The following EXPH5 variants were observed in gnomAD, a reference collection of about 807,000 sequenced individuals.
The protein encoded by EXPH5 is exophilin 5.
A neutral mutation model predicts 41.1 loss-of-function variants in EXPH5; 42 were observed. That is an observed-to-expected ratio of 1.02 (90% CI 0.80 to 1.32). The LOEUF is 1.32. Among genes scored for constraint, EXPH5 ranks in the 40% most tolerant of loss-of-function variants. The probability of loss-of-function intolerance (pLI) is 0.00; values close to 1 mark genes in which losing one functional copy is unlikely to be tolerated. For synonymous variants in EXPH5, 798 were observed against 833.5 expected (o/e 0.96, Z 0.73); for missense variants, 2,298 against 2,314.5 (o/e 0.99, Z 0.15).
intron 1 of EXPH5, among the ~76,000 whole-genome samples, chr11:108,548,374 T>C (rs2093948543): frequency 6.6e-6 from 1 of 152,198 alleles, no homozygotes; most frequent in Non-Finnish European, 1.5e-5. Context: ...TTTATGTTAG[T>C]ATTTGTTTCC....
chr11:108,519,950 CAAAAAAAAAAAAAAA>C (rs71050861), intron 4 of EXPH5, among the ~76,000 whole-genome samples: 1 of 62,064 alleles, frequency 1.6e-5, no homozygotes, highest in Non-Finnish European at 2.8e-5. Context: ...GACTCTGTCT[CAAAAAAAAAAAAAAA>C]AAAAAAAAAA....
At chr11:108,538,973 C>T (rs1411887209) in intron 3 of EXPH5, 51 bp downstream of exon 3, 2 of 1,440,580 alleles carry the variant, frequency 1.4e-6, no homozygotes, top group Non-Finnish European at 9.3e-7. Flanking sequence ...GGCTGCTGGC[C>T]TCTGATATCG....
intron 1 of EXPH5, among the ~76,000 whole-genome samples, chr11:108,550,518 T>C (rs2016291): frequency 0.7 from 106,401 of 152,144 alleles, 39,728 homozygotes; most frequent in East Asian, 0.82. Context: ...GTGGCTCACA[T>C]CTGAAATCCC....
chr11:108,516,164 A>G (rs911635690), intron 5 of EXPH5, among the ~76,000 whole-genome samples: 1 of 152,008 alleles, frequency 6.6e-6, no homozygotes, highest in Admixed American at 6.6e-5. Context: ...AGACGAGCTC[A>G]TAGTTTTACA....
intron 1 of EXPH5, among the ~76,000 whole-genome samples, chr11:108,549,536 A>G (rs769893085): frequency 3.3e-5 from 5 of 152,108 alleles, no homozygotes; most frequent in Non-Finnish European, 7.3e-5. Flanking sequence ...CTTTGTGCCC[A>G]TCTTTTCTCC....
the EXPH5 span, among the ~76,000 whole-genome samples, chr11:108,606,699 T>A: frequency 1.3e-5 from 2 of 152,148 alleles, no homozygotes; most frequent in Admixed American, 1.3e-4. Flanking sequence ...CCCTGCCTGA[T>A]GACACCCTCC....
In EXPH5 at chr11:108,510,629, T is replaced by C. The variant is rs111589735; in HGVS notation, c.4878A>G (p.Arg1626=). ...CAAGAGATAAATGGTCAAAGCCAGA[T>C]CTGCTTCCACTTTGGGGGAAGATAG... ...VATIFPQSGS[R]SGFDHLSLGT... Residue 1626 remains arginine, a synonymous_variant, in exon 6 of 6, where the codon AGA becomes AGG. Coordinates refer to ENST00000265843, the MANE Select transcript of EXPH5 (RefSeq NM_015065.3). 2.5e-4 allele frequency: 404 copies of C among 1,614,170 alleles called. 3 individuals are homozygous for C. The African/African-American group carries it at 4.1e-3, about 16-fold the overall frequency.
rs781011831 is a variant in EXPH5 at position 108,561,699 on chromosome 11, C to T, written c.120-19887G>A. Among the ~76,000 whole-genome samples, 23 of 152,192 alleles carry T rather than the reference C, an allele frequency of 1.5e-4. No individual in the cohort carries two copies. In the East Asian group the frequency reaches 1.9e-3, roughly 13 times the overall value. On this transcript the variant is annotated intron_variant, in intron 1 of 5. Coordinates refer to ENST00000265843, the MANE Select transcript of EXPH5 (RefSeq NM_015065.3). ...TGGAGAGTGATTAACAACTTAATAA[C>T]GTCTTTCCTCTTGGCATGTCTTAAA... is the stretch of plus-strand genomic sequence containing the variant.
intron 1 of EXPH5, among the ~76,000 whole-genome samples, chr11:108,549,595 A>G (rs144611989): frequency 1.3e-5 from 2 of 152,304 alleles, no homozygotes; most frequent in East Asian, 3.9e-4. Context: ...TCAGTAAATG[A>G]TAGCTGTCCA....
intron 3 of EXPH5, among the ~76,000 whole-genome samples, chr11:108,531,983 T>C (rs1422516360): frequency 2.6e-5 from 4 of 152,104 alleles, no homozygotes; most frequent in Non-Finnish European, 1.5e-5. Flanking sequence ...TGTGTCCAAG[T>C]TTTTGTCCCA....
chr11:108,514,684 G>A lies in EXPH5; in HGVS notation c.823C>T (p.Leu275=), dbSNP rs777659305. ...CCTTCCCTAGGAGTTCCTGGTCTTA[G>A]GATGTCATAGATAGACATATTGGAA... ...ETSNMSIYDI[L]RPGTPREGFK... Residue 275 remains leucine (L), a synonymous_variant, in exon 6 of 6, where the codon CTA becomes TTA. Coordinates refer to ENST00000265843, the MANE Select transcript of EXPH5 (RefSeq NM_015065.3). 4 of 1,603,380 alleles carry A rather than the reference G, an allele frequency of 2.5e-6. No individual in the cohort carries two copies. In the South Asian group the frequency reaches 4.5e-5, roughly 18 times the overall value.
chr11:108,563,709 G>A (rs1177973312), intron 1 of EXPH5, among the ~76,000 whole-genome samples: 2 of 152,090 alleles, frequency 1.3e-5, no homozygotes, highest in Non-Finnish European at 2.9e-5. Context: ...CCCAGCCACC[G>A]TCCGGTTCAA....
At position 108,569,442 on chromosome 11, in the gene EXPH5, C is replaced by T. The variant is rs146873590; in HGVS notation, c.119+23976G>A. Among the ~76,000 whole-genome samples, 429 of 150,576 alleles carry T rather than the reference C, an allele frequency of 2.8e-3. 14 individuals are homozygous for T. The East Asian group carries it at 0.077, about 27-fold the overall frequency. ...GCAACCTCCGCCTCCTAGGTTCAAG[C>T]GATTCTCCTGCTTCAGCCTCCCGAG... On this transcript the variant is annotated intron_variant, in intron 1 of 5. Transcript: ENST00000265843.
rs1271579684 is a variant in EXPH5 at position 108,518,235 on chromosome 11, C to T, written c.631G>A (p.Val211Ile). The change falls in exon 5 of 6, where the codon GTT (valine) becomes ATT (isoleucine). Residue 211 changes from valine to isoleucine, a missense_variant and splice_region_variant. Physicochemically the swap from Val to Ile is conservative, Grantham distance 29 (BLOSUM62 3). Transcript: ENST00000265843. ...AAGGCAATTTAATGCATGAACTTAC[C>T]TTGGAAAAACTCATTCTCCAGCAGT... Reference protein sequence around the residue: ...ASLLENEFFQVLDDLDSKLAQ... With the variant: ...ASLLENEFFQILDDLDSKLAQ... The T allele has an allele frequency of 1.9e-6, 3 of 1,610,566 alleles. No homozygotes were observed. The highest frequency in any genetic ancestry group is 3.4e-5 in the Admixed American group (2 of 59,168).
chr11:108,524,643 A>G (rs1003578040), intron 4 of EXPH5, among the ~76,000 whole-genome samples: 7 of 152,344 alleles, frequency 4.6e-5, no homozygotes, highest in African/African-American at 1.7e-4. Context: ...GTAGCCTTAG[A>G]GTACTTGAGA....
At chr11:108,583,067 A>T (rs886709229) in intron 1 of EXPH5, among the ~76,000 whole-genome samples, 2 of 152,106 alleles carry the variant, frequency 1.3e-5, no homozygotes, top group African/African-American at 4.8e-5. Flanking sequence ...GGCTGGTTTG[A>T]TATTCTAAAA....
In EXPH5 at chr11:108,541,758, T is replaced by A; in HGVS notation, c.174A>T (p.Glu58Asp). 16 of 1,612,794 alleles carry A rather than the reference T, an allele frequency of 9.9e-6. No individual in the cohort carries two copies. The highest frequency in any genetic ancestry group is 1.4e-5 in the Non-Finnish European group (16 of 1,179,234). Residue 58 changes from glutamate (E) to aspartate (D), a missense_variant, in exon 2 of 6, where the codon GAA becomes GAT. Coordinates refer to ENST00000265843, the MANE Select transcript of EXPH5 (RefSeq NM_015065.3). ...TTTTTCTTTGAATTTCTTCAAACCA[T>A]TCACCAGTCACTCCCTGAAGCCATC... ...DIRWLQGVTG[E>D]WFEEIQRKKF...
chr11:108,535,601 G>A (rs956605834), intron 3 of EXPH5, among the ~76,000 whole-genome samples: 1 of 152,140 alleles, frequency 6.6e-6, no homozygotes, highest in Admixed American at 6.6e-5. Flanking sequence ...GAGAGATCAA[G>A]AGACAGAGAG....
At chr11:108,529,159 C>G (rs1191151858) in intron 3 of EXPH5, among the ~76,000 whole-genome samples, 1 of 151,434 alleles carries the variant, frequency 6.6e-6, no homozygotes, top group Non-Finnish European at 1.5e-5. Flanking sequence ...GAGAAAAAAA[C>G]CACTACAACA....
Sources: gnomAD v4.1 joint callset for allele counts (sites outside exome capture counted in the v4.1 genomes callset) on GRCh38, gnomAD v4.1.1 for gene constraint, MANE v1.5 for transcripts, NCBI Gene and HGNC (gene_info 2026-07-23, HGNC 2026-07-21) for gene names.